GRIP1: variants seen among roughly 807,000 people sequenced by gnomAD.
GRIP1 encodes the protein glutamate receptor interacting protein 1.
GRIP1 carries 45 observed loss-of-function variants against 129.9 expected under a neutral mutation model. The observed-to-expected ratio is 0.35, with a 90% CI of 0.27 to 0.44. The LOEUF (loss-of-function observed/expected upper bound fraction) is 0.44, where lower values mean the gene tolerates loss of function less well. GRIP1 is among the 20% of genes least tolerant of loss of function. GRIP1 has a pLI of 1.00. For missense variants in GRIP1, 1,196 were observed against 1,396.8 expected (o/e 0.86, Z 2.29); for synonymous variants, 530 against 520.8 (o/e 1.02, Z -0.24).
chr12:67,014,372 G>C (rs983972969), intron 1 of GRIP1, among the ~76,000 whole-genome samples: 3 of 152,094 alleles, frequency 2.0e-5, no homozygotes, highest in Non-Finnish European at 4.4e-5. Context: ...TAAGGGGATG[G>C]TATCAGGCAG....
At chr12:66,619,380 T>C (rs1007466391) in intron 1 of GRIP1, among the ~76,000 whole-genome samples, 1 of 151,708 alleles carries the variant, frequency 6.6e-6, no homozygotes, top group African/African-American at 2.4e-5. Context: ...TATTCTAGAG[T>C]AGAAAAAATG....
chr12:66,351,977 C>G (rs550516755), intron 24 of GRIP1, among the ~76,000 whole-genome samples: 1 of 152,028 alleles, frequency 6.6e-6, no homozygotes, highest in African/African-American at 2.4e-5. Context: ...AAAGTTGAGT[C>G]GGAATGAGGC....
At chr12:66,543,886 C>T (rs2061865510) in intron 2 of GRIP1, among the ~76,000 whole-genome samples, 1 of 152,072 alleles carries the variant, frequency 6.6e-6, no homozygotes, top group Admixed American at 6.6e-5. Context: ...AAAGGTCTAT[C>T]CAATTTTCAT....
At chr12:66,608,933 A>AATTATTATTATTATTATTATTATTATT (rs150512388) in intron 1 of GRIP1, among the ~76,000 whole-genome samples, 7 of 145,546 alleles carry the variant, frequency 4.8e-5, no homozygotes, top group African/African-American at 1.5e-4. Context: ...ACATGAAACA[A>AATTATTATTATTATTATTATTATTATT]ATTATTATTA....
intron 7 of GRIP1, among the ~76,000 whole-genome samples, chr12:66,471,337 C>T (rs1024168309): frequency 2.0e-5 from 3 of 152,058 alleles, no homozygotes; most frequent in Admixed American, 2.0e-4. Flanking sequence ...ATAAGTAAAT[C>T]CATAGGTACA....
At chr12:66,362,417 T>C (rs1592690870) in intron 23 of GRIP1, among the ~76,000 whole-genome samples, 1 of 151,750 alleles carries the variant, frequency 6.6e-6, no homozygotes, top group Admixed American at 6.5e-5. Context: ...CCTCCCAAAA[T>C]GCTGGGATTA....
intron 2 of GRIP1, among the ~76,000 whole-genome samples, chr12:66,592,892 G>C (rs989597212): frequency 6.6e-6 from 1 of 152,104 alleles, no homozygotes; most frequent in Admixed American, 6.5e-5. Context: ...AATAAACATT[G>C]ATATATGGTA....
At chr12:66,497,889 T>C (rs111304836) in intron 7 of GRIP1, among the ~76,000 whole-genome samples, 21,516 of 152,086 alleles carry the variant, frequency 0.14, 1,814 homozygotes, top group Non-Finnish European at 0.19. Flanking sequence ...TGCCCTGCCC[T>C]ACCTTAACTG....
At chr12:67,062,182 A>G (rs2043547578) in intron 1 of GRIP1, among the ~76,000 whole-genome samples, 1 of 152,230 alleles carries the variant, frequency 6.6e-6, no homozygotes, top group South Asian at 2.1e-4. Context: ...TCAATTCTTT[A>G]TCGCCTGCCA....
chr12:66,658,459 A>G (rs2033298523), intron 1 of GRIP1, among the ~76,000 whole-genome samples: 1 of 152,092 alleles, frequency 6.6e-6, no homozygotes, highest in Non-Finnish European at 1.5e-5. Flanking sequence ...ATAAGCAACC[A>G]ACTTAAAATC....
intron 1 of GRIP1, chr12:66,630,114 G>C (rs2030587666): frequency 6.6e-6 from 1 of 152,206 alleles, no homozygotes; most frequent in Non-Finnish European, 1.5e-5. Context: ...ACTTTGGGAG[G>C]CTGAGACAGG....
intron 1 of GRIP1, among the ~76,000 whole-genome samples, chr12:66,793,667 C>T (rs1303370788): frequency 6.6e-6 from 1 of 152,134 alleles, no homozygotes; most frequent in African/African-American, 2.4e-5. Context: ...ATCAACCCAT[C>T]ACGAGGATGG....
intron 1 of GRIP1, among the ~76,000 whole-genome samples, chr12:66,709,991 G>A (rs530942784): frequency 9.9e-5 from 15 of 152,036 alleles, no homozygotes; most frequent in African/African-American, 2.7e-4. Context: ...CTAAGGAAAC[G>A]CCATTCTCAT....
At chr12:66,422,606 G>A (rs545579831) in intron 14 of GRIP1, among the ~76,000 whole-genome samples, 68 of 152,130 alleles carry the variant, frequency 4.5e-4, no homozygotes, top group African/African-American at 1.6e-3. Context: ...ATGTTCCACT[G>A]AAATGGTCTG....
chr12:66,647,687 C>G (rs557374413), intron 1 of GRIP1, among the ~76,000 whole-genome samples: 98 of 152,326 alleles, frequency 6.4e-4, no homozygotes, highest in Middle Eastern at 3.4e-3. Flanking sequence ...TCCAACATCA[C>G]ATATTCTTAG....
intron 1 of GRIP1, among the ~76,000 whole-genome samples, chr12:66,647,851 G>T (rs2032492957): frequency 6.6e-6 from 1 of 152,122 alleles, no homozygotes; most frequent in Non-Finnish European, 1.5e-5. Context: ...GAACTAAAGA[G>T]ACCTGGGTTA....
rs975278618 is a variant in GRIP1, at chr12:66,418,237, T to A, written c.1838+2483A>T. Among the ~76,000 whole-genome samples the A allele has an allele frequency of 3.3e-5, 5 of 152,208 alleles. No individual in the cohort carries two copies. In the East Asian group the frequency reaches 9.7e-4, roughly 29 times the overall value. On this transcript the variant is annotated intron_variant, in intron 15 of 24. Transcript: ENST00000359742. ...GTGCTGGGAAAACTGAATATCAACA[T>A]GCAGAAGAAAAAAACTAGACAGCTA...
chr12:66,640,967 C>A (rs183886104), intron 1 of GRIP1, among the ~76,000 whole-genome samples: 1 of 152,184 alleles, frequency 6.6e-6, no homozygotes, highest in Admixed American at 6.6e-5. Context: ...CAAAATCCAA[C>A]GCAAGAGTGC....
intron 13 of GRIP1, among the ~76,000 whole-genome samples, chr12:66,435,083 G>A (rs2058260737): frequency 6.6e-6 from 1 of 152,118 alleles, no homozygotes; most frequent in Admixed American, 6.6e-5. Context: ...CCACACAAGT[G>A]TTTACGGGCA....
Sources: gnomAD v4.1 joint callset for allele counts (sites outside exome capture counted in the v4.1 genomes callset) on GRCh38, gnomAD v4.1.1 for gene constraint, MANE v1.5 for transcripts, NCBI Gene and HGNC (gene_info 2026-07-23, HGNC 2026-07-21) for gene names.